Variants in EPHA6 observed in about 807,000 individuals in gnomAD.
EPHA6 encodes the protein EPH receptor A6, also known as ephrin type-A receptor 6.
EPHA6 carries 50 observed loss-of-function variants against 112.0 expected under a neutral mutation model. The observed-to-expected ratio is 0.45, with a 90% CI of 0.36 to 0.56. The LOEUF (loss-of-function observed/expected upper bound fraction) is 0.56, where lower values mean the gene tolerates loss of function less well. Ranked by LOEUF, EPHA6 falls within the 20% of genes least tolerant of loss-of-function variation. The pLI, the probability that EPHA6 is intolerant of heterozygous loss-of-function variation, is 0.00. For synonymous variants in EPHA6, 529 were observed against 490.7 expected, an observed-to-expected ratio of 1.08 and a Z score of -1.03; for missense variants, 1,280 against 1,417.4, an observed-to-expected ratio of 0.90 and a Z score of 1.56.
chr3:97,167,361 A>G (rs1437619122), intron 3 of EPHA6, among the ~76,000 whole-genome samples: 1 of 152,064 alleles, frequency 6.6e-6, no homozygotes, highest in Non-Finnish European at 1.5e-5. Context: ...CAGAAATTCT[A>G]CATAGTCCCA....
At chr3:97,672,164 TAA>T (rs913933121) in intron 14 of EPHA6, among the ~76,000 whole-genome samples, 9 of 152,208 alleles carry the variant, frequency 5.9e-5, no homozygotes, top group African/African-American at 2.2e-4. Flanking sequence ...AATTATATAA[TAA>T]GTCTTTTTCA....
chr3:97,281,299 T>G (rs1163197866), intron 5 of EPHA6, among the ~76,000 whole-genome samples: 1 of 151,978 alleles, frequency 6.6e-6, no homozygotes, highest in Non-Finnish European at 1.5e-5. Context: ...ATTAACCCAT[T>G]TAAATACAGT....
chr3:97,267,795 A>G (rs1320702612), intron 5 of EPHA6, among the ~76,000 whole-genome samples: 6 of 152,144 alleles, frequency 3.9e-5, no homozygotes, highest in Non-Finnish European at 8.8e-5. Context: ...TCTTTTAACT[A>G]GAACAAATAT....
chr3:97,541,501 T>G (rs557606891), intron 11 of EPHA6, among the ~76,000 whole-genome samples: 2 of 152,160 alleles, frequency 1.3e-5, no homozygotes, highest in Non-Finnish European at 2.9e-5. Context: ...CTATAGACTT[T>G]CATTCAGGTT....
At chr3:97,104,131 C>T (rs1209566667) in intron 3 of EPHA6, among the ~76,000 whole-genome samples, 5 of 152,016 alleles carry the variant, frequency 3.3e-5, no homozygotes, top group East Asian at 1.9e-4. Flanking sequence ...ATTTGGTTGC[C>T]CTTTATTTCT....
At chr3:96,955,052 A>G (rs2041705355) in intron 2 of EPHA6, among the ~76,000 whole-genome samples, 1 of 152,032 alleles carries the variant, frequency 6.6e-6, no homozygotes, top group Admixed American at 6.6e-5. Flanking sequence ...ATTTCAAAGT[A>G]TAGATAAAAC....
intron 1 of EPHA6, among the ~76,000 whole-genome samples, chr3:96,829,941 G>GCGCA (rs2033920433): frequency 1.0e-5 from 1 of 99,414 alleles, no homozygotes; most frequent in African/African-American, 3.8e-5. Context: ...GTGCATGTGC[G>GCGCA]CGCGCGCGCA....
At chr3:97,398,844 T>A (rs2086831865) in intron 5 of EPHA6, among the ~76,000 whole-genome samples, 2 of 151,532 alleles carry the variant, frequency 1.3e-5, no homozygotes, top group Non-Finnish European at 3.0e-5. Context: ...TGCATAAAAA[T>A]GGTATATATT....
At position 97,374,431 on chromosome 3, in the gene EPHA6, C is replaced by G. The variant is rs190578978; in HGVS notation, c.1607-30719C>G. Among the ~76,000 whole-genome samples the G allele has an allele frequency of 5.6e-3, 845 of 152,232 alleles. 9 individuals are homozygous for G. Among genetic ancestry groups the G allele is most frequent in the Non-Finnish European group, 8.7e-3 (593 of 68,004 alleles). ...TGGTTACTGCACTAATCTTAATATT[C>G]TCCATGATGTCATTCTCTCTTCATC... On this transcript the variant is annotated intron_variant, in intron 5 of 17. Transcript: ENST00000389672.
intron 3 of EPHA6, among the ~76,000 whole-genome samples, chr3:97,114,230 TC>T (rs2047814673): frequency 6.6e-6 from 1 of 152,116 alleles, no homozygotes; most frequent in Admixed American, 6.6e-5. Context: ...ATGAAAGACT[TC>T]TAATAATATT....
chr3:97,742,185 C>A (rs2035533219), intron 16 of EPHA6, among the ~76,000 whole-genome samples: 1 of 152,152 alleles, frequency 6.6e-6, no homozygotes, highest in Admixed American at 6.6e-5. Context: ...CATCACAACA[C>A]TCTCCTGCTG....
intron 1 of EPHA6, among the ~76,000 whole-genome samples, chr3:96,841,441 C>G (rs192955133): frequency 6.6e-6 from 1 of 152,174 alleles, no homozygotes; most frequent in Non-Finnish European, 1.5e-5. Context: ...GATTTCCAAA[C>G]ACGTGTTAGG....
chr3:97,632,625 A>G (rs2093913151), intron 13 of EPHA6, among the ~76,000 whole-genome samples: 1 of 151,940 alleles, frequency 6.6e-6, no homozygotes, highest in Non-Finnish European at 1.5e-5. Context: ...TACGAGTCAC[A>G]AAAAAACTCA....
chr3:97,050,855 A>G (rs1263599784), intron 3 of EPHA6, among the ~76,000 whole-genome samples: 2 of 152,198 alleles, frequency 1.3e-5, no homozygotes, highest in Non-Finnish European at 2.9e-5. Flanking sequence ...AAAATTCTAT[A>G]TTTCAGGCTG....
intron 3 of EPHA6, among the ~76,000 whole-genome samples, chr3:96,996,234 G>A (rs1369481549): frequency 6.6e-6 from 1 of 151,944 alleles, no homozygotes; most frequent in African/African-American, 2.4e-5. Context: ...CTCTACTTCT[G>A]CTTTTTCTCT....
Position 97,698,410 on chromosome 3 carries a change from G to GTT in EPHA6, c.2785-21840_2785-21839dup, listed in dbSNP as rs80242209. On this transcript the variant is annotated intron_variant, in intron 14 of 17. Coordinates refer to ENST00000389672, the MANE Select transcript of EPHA6 (RefSeq NM_001080448.3). ...TCACAATCTATTTCTTGAATTAAAG[G>GTT]TTTTTTTTTTTTGTAAAACCGTATT... 3.6e-3 allele frequency among the ~76,000 whole-genome samples: 521 copies of GTT among 144,922 alleles called. 4 individuals carry two copies. Among genetic ancestry groups the GTT allele is most frequent in the African/African-American group, 0.013 (501 of 39,832 alleles).
At chr3:97,636,220 T>C (rs751031112) in intron 13 of EPHA6, among the ~76,000 whole-genome samples, 1 of 152,122 alleles carries the variant, frequency 6.6e-6, no homozygotes, top group Non-Finnish European at 1.5e-5. Context: ...AACTCCATTT[T>C]TGAATAGGTA....
intron 3 of EPHA6, among the ~76,000 whole-genome samples, chr3:97,093,500 A>C (rs2047137737): frequency 6.6e-6 from 1 of 152,136 alleles, no homozygotes; most frequent in South Asian, 2.1e-4. Context: ...CAGTGGGCTG[A>C]GATCGTGTAA....
chr3:97,128,449 A>G (rs2048242025), intron 3 of EPHA6, among the ~76,000 whole-genome samples: 1 of 152,162 alleles, frequency 6.6e-6, no homozygotes, highest in Admixed American at 6.5e-5. Flanking sequence ...GGATTATAAT[A>G]CTTGATATCT....
Sources: gnomAD v4.1 joint callset for allele counts (sites outside exome capture counted in the v4.1 genomes callset) on GRCh38, gnomAD v4.1.1 for gene constraint, MANE v1.5 for transcripts, NCBI Gene and HGNC (gene_info 2026-07-23, HGNC 2026-07-21) for gene names.